Variants in EMC8 observed in about 807,000 individuals in gnomAD.
EMC8 encodes the protein COX4 neighbor.
A neutral mutation model predicts 24.3 loss-of-function variants in EMC8; 11 were observed. The observed-to-expected ratio is 0.45, with a 90% CI of 0.28 to 0.75. The LOEUF is 0.75. EMC8 is among the 30% of genes least tolerant of loss of function. EMC8 has a pLI of 0.12. For missense variants in EMC8, 277 were observed against 282.7 expected (o/e 0.98, Z 0.14); for synonymous variants, 145 against 117.7 (o/e 1.23, Z -1.50).
rs965612891 is a variant in EMC8, at chr16:85,780,749, G to C, written c.379-276C>G. 5.8e-6 allele frequency: 3 copies of C among 515,852 alleles called. No homozygotes were observed. The East Asian group carries it at 1.0e-4, about 18-fold the overall frequency. The allele number at this position is 515,852 out of a possible 1,614,324, so 32.0% of individuals were successfully genotyped here. A position where few individuals can be genotyped will look rare whatever the true frequency, so the allele number is the denominator to read the frequency against. ...CTAGGATTCTGTCTGAATCAAGGCT[G>C]TTCAGCAAGGCCCTTGATGTCATCT... is the stretch of plus-strand genomic sequence containing the variant. On this transcript the variant is annotated intron_variant, in intron 3 of 4. Transcript: ENST00000253457.
intron 1 of EMC8, among the ~76,000 whole-genome samples, chr16:85,798,357 G>C (rs1597211499): frequency 1.3e-5 from 2 of 151,912 alleles, no homozygotes; most frequent in Non-Finnish European, 2.9e-5. Context: ...TCTGACCTCA[G>C]GTGATCCGCC....
chr16:85,779,525 T>C lies in EMC8; in HGVS notation c.*183A>G. 1.7e-6 allele frequency: 1 copy of C among 582,828 alleles called. No individual in the cohort carries two copies. The highest frequency in any genetic ancestry group is 2.0e-5 in the South Asian group (1 of 50,924). 36.1% of individuals were successfully genotyped at this position (582,828 alleles called of 1,614,324 possible). A position where few individuals can be genotyped will look rare whatever the true frequency, so the allele number is the denominator to read the frequency against. ...CAGTCAGACGGGATGTCTGCACCTC[T>C]TCTAGAGACTCTGTGTTAAAAACAC... On this transcript the variant is annotated 3_prime_UTR_variant, in exon 5 of 5. Coordinates refer to ENST00000253457, the MANE Select transcript of EMC8 (RefSeq NM_006067.5).
At chr16:85,793,183 C>G (rs1905088459) in intron 1 of EMC8, among the ~76,000 whole-genome samples, 1 of 152,174 alleles carries the variant, frequency 6.6e-6, no homozygotes, top group African/African-American at 2.4e-5. Flanking sequence ...AGTAGCTTCT[C>G]ACAGCAGCCT....
intron 1 of EMC8, among the ~76,000 whole-genome samples, chr16:85,792,152 T>C (rs542471959): frequency 2.1e-4 from 32 of 152,280 alleles, no homozygotes; most frequent in African/African-American, 7.0e-4. Flanking sequence ...TTGTACCCAC[T>C]CTCAGAGCAC....
intron 1 of EMC8, among the ~76,000 whole-genome samples, chr16:85,797,974 A>G (rs1347749580): frequency 6.6e-6 from 1 of 152,222 alleles, no homozygotes; most frequent in Non-Finnish European, 1.5e-5. Flanking sequence ...GCTACTGCCT[A>G]AAATTCACTT....
At chr16:85,798,146 G>A (rs1597211213) in intron 1 of EMC8, among the ~76,000 whole-genome samples, 1 of 137,084 alleles carries the variant, frequency 7.3e-6, no homozygotes, top group Non-Finnish European at 1.5e-5. Flanking sequence ...TTTTGAGACG[G>A]AGTCTTGCTC....
At chr16:85,785,545 G>C (rs983881776) in intron 2 of EMC8, among the ~76,000 whole-genome samples, 20 of 152,138 alleles carry the variant, frequency 1.3e-4, no homozygotes, top group Non-Finnish European at 2.8e-4. Flanking sequence ...ACTCCAGCCT[G>C]GGTGACAGAG....
intron 1 of EMC8, among the ~76,000 whole-genome samples, chr16:85,790,129 G>A (rs1325219513): frequency 1.3e-5 from 2 of 151,680 alleles, no homozygotes; most frequent in Non-Finnish European, 2.9e-5. Context: ...CTGCACAAGA[G>A]GAAACAAAAT....
In EMC8 at chr16:85,779,413, C is replaced by T. The variant is rs148529148; in HGVS notation, c.*295G>A. The T allele has an allele frequency of 3.3e-4, 73 of 220,272 alleles. No homozygotes were observed. Among genetic ancestry groups the T allele is most frequent in the African/African-American group, 1.6e-3 (72 of 43,790 alleles). 13.6% of individuals were successfully genotyped at this position (220,272 alleles called of 1,614,324 possible). A position where few individuals can be genotyped will look rare whatever the true frequency, so the allele number is the denominator to read the frequency against. ...CCAGATTATAAAAGGTTAGTTAAAA[C>T]TGTTTAATAGGAACAATCTTGCACA... On this transcript the variant is annotated 3_prime_UTR_variant, in exon 5 of 5. Coordinates refer to ENST00000253457, the MANE Select transcript of EMC8 (RefSeq NM_006067.5).
chr16:85,785,210 G>T (rs187043425), intron 2 of EMC8, among the ~76,000 whole-genome samples: 3 of 152,348 alleles, frequency 2.0e-5, no homozygotes, highest in Admixed American at 1.3e-4. Flanking sequence ...GCCTCTGAAA[G>T]TGCTGGGATT....
intron 2 of EMC8, among the ~76,000 whole-genome samples, chr16:85,786,211 T>C (rs988108210): frequency 6.6e-6 from 1 of 152,224 alleles, no homozygotes; most frequent in Admixed American, 6.5e-5. Flanking sequence ...AGGAGGTTAA[T>C]CAGTAAGTCA....
intron 1 of EMC8, among the ~76,000 whole-genome samples, chr16:85,794,012 T>G (rs1295624282): frequency 1.3e-5 from 2 of 152,218 alleles, no homozygotes; most frequent in African/African-American, 2.4e-5. Context: ...TGTCCTTTGA[T>G]AGACAGTCTA....
intron 2 of EMC8, among the ~76,000 whole-genome samples, chr16:85,787,242 T>C (rs1301677668): frequency 3.9e-5 from 6 of 152,128 alleles, no homozygotes; most frequent in Non-Finnish European, 8.8e-5. Flanking sequence ...CCAGGAATGC[T>C]GACCTCCTGG....
intron 2 of EMC8, among the ~76,000 whole-genome samples, chr16:85,785,520 A>G (rs1315961610): frequency 6.6e-6 from 1 of 152,168 alleles, no homozygotes; most frequent in African/African-American, 2.4e-5. Flanking sequence ...CATTGAGGCG[A>G]GATCGTGCCA....
intron 1 of EMC8, among the ~76,000 whole-genome samples, chr16:85,795,997 G>A (rs776008490): frequency 1.6e-4 from 24 of 152,228 alleles, no homozygotes; most frequent in Non-Finnish European, 1.5e-4. Flanking sequence ...GGCGGTGAGA[G>A]CAGAGGACAC....
rs1163747067 is a variant in EMC8, at chr16:85,798,114, GTTTTTTTTTTTTTTTT to G, written c.231+935_231+950del. On this transcript the variant is annotated intron_variant, in intron 1 of 4. Transcript: ENST00000253457. The stretch of plus-strand genomic sequence containing the variant: ...CTGCTGTTTAATGTCACAGAAATTC[GTTTTTTTTTTTTTTTT>G]TTTTTTTTTGAGACGGAGTCTTGCT... 4.2e-5 allele frequency among the ~76,000 whole-genome samples: 3 copies of G among 72,152 alleles called. No individual in the cohort carries two copies. In the South Asian group the frequency reaches 1.9e-3, roughly 46 times the overall value. The allele number at this position is 72,152 out of a possible 152,430, so 47.3% of individuals were successfully genotyped here. A position where few individuals can be genotyped will look rare whatever the true frequency, so the allele number is the denominator to read the frequency against.
At chr16:85,780,770 C>T (rs1446484664) in intron 3 of EMC8, 3 of 492,382 alleles carry the variant, frequency 6.1e-6, no homozygotes, top group Admixed American at 6.8e-5. Flanking sequence ...CCCTTGATGT[C>T]ATCTGCTCAC....
intron 1 of EMC8, among the ~76,000 whole-genome samples, chr16:85,797,123 A>C (rs1905269698): frequency 6.6e-6 from 1 of 152,200 alleles, no homozygotes; most frequent in South Asian, 2.1e-4. Context: ...AGATGGTTGG[A>C]AAGGCTGAGC....
At chr16:85,790,869 C>T (rs868383720) in intron 1 of EMC8, among the ~76,000 whole-genome samples, 10 of 152,202 alleles carry the variant, frequency 6.6e-5, no homozygotes, top group Non-Finnish European at 1.2e-4. Context: ...CTCCGTTGTC[C>T]GGGCTGGAGA....
Sources: allele counts gnomAD v4.1 joint callset (sites outside exome capture counted in the v4.1 genomes callset), GRCh38; gene constraint gnomAD v4.1.1; transcripts MANE v1.5; gene names NCBI Gene and HGNC (gene_info 2026-07-23, HGNC 2026-07-21).